KCNMA1: variants seen among roughly 807,000 people sequenced by gnomAD.
KCNMA1 encodes the protein potassium calcium-activated channel subfamily M alpha 1, also known as Calcium-activated potassium channel subunit alpha-1.
In KCNMA1, 29 loss-of-function variants were observed where a neutral mutation model predicts 140.0. That is an observed-to-expected ratio of 0.21 (90% CI 0.15 to 0.28). The LOEUF (loss-of-function observed/expected upper bound fraction) is 0.28. Among genes scored for constraint, KCNMA1 ranks in the 10% least tolerant of loss-of-function variants. KCNMA1 has a pLI of 1.00. For synonymous variants in KCNMA1, 612 were observed against 611.9 expected, an observed-to-expected ratio of 1.00 and a Z score of 0.00; for missense variants, 880 against 1,602.2, an observed-to-expected ratio of 0.55 and a Z score of 7.70.
intron 5 of KCNMA1, among the ~76,000 whole-genome samples, chr10:77,150,338 C>A (rs1564833819): frequency 2.0e-5 from 3 of 152,130 alleles, no homozygotes; most frequent in Non-Finnish European, 4.4e-5. Context: ...ATTTCACTGA[C>A]AACATGAGGG....
chr10:77,588,015 AACC>A, intron 1 of KCNMA1: 1 of 263,952 alleles, frequency 3.8e-6, no homozygotes, highest in Non-Finnish European at 5.9e-6. Context: ...TCATAATCAC[AACC>A]ACATTAGGAG....
At chr10:77,528,558 G>A (rs185240501) in intron 1 of KCNMA1, among the ~76,000 whole-genome samples, 3 of 150,880 alleles carry the variant, frequency 2.0e-5, no homozygotes, top group African/African-American at 7.3e-5. Context: ...GCAGTGAGCT[G>A]AGATTGTGTC....
chr10:77,252,110 C>G (rs1396772660), intron 2 of KCNMA1, among the ~76,000 whole-genome samples: 1 of 152,188 alleles, frequency 6.6e-6, no homozygotes, highest in Non-Finnish European at 1.5e-5. Context: ...AAATTAATCT[C>G]CATGGATGGA....
At chr10:77,018,931 G>A in intron 17 of KCNMA1, 82 bp downstream of exon 17, 1 of 795,670 alleles carries the variant, frequency 1.3e-6, no homozygotes, top group South Asian at 1.4e-5. Flanking sequence ...GAGTTTTGGG[G>A]TTATGGAAGC....
chr10:77,472,773 G>A (rs43204), intron 1 of KCNMA1, among the ~76,000 whole-genome samples: 26,963 of 152,138 alleles, frequency 0.18, 2,774 homozygotes, highest in African/African-American at 0.27. Context: ...TGTGGAGAGC[G>A]CTGGAGCTTG....
chr10:77,635,303 T>G (rs1021298753), intron 1 of KCNMA1: 2 of 152,218 alleles, frequency 1.3e-5, no homozygotes, highest in African/African-American at 4.8e-5. Context: ...TTGGAAGCTG[T>G]GTTTAGGACC....
At position 77,565,811 on chromosome 10, in the gene KCNMA1, C is replaced by T. The variant is rs186381688; in HGVS notation, c.378+71454G>A. Among the ~76,000 whole-genome samples the T allele has an allele frequency of 2.0e-5, 3 of 152,286 alleles. No individual in the cohort carries two copies. The East Asian group carries it at 5.8e-4, about 29-fold the overall frequency. Reference sequence around the variant, plus strand: ...CCTCTAACATCTGGAGACGCAAACCCTAGCACTGCAGCTATCCCACAGGAG... The same window carrying T: ...CCTCTAACATCTGGAGACGCAAACCTTAGCACTGCAGCTATCCCACAGGAG... On this transcript the variant is annotated intron_variant, in intron 1 of 27. Transcript: ENST00000286628.
chr10:77,233,807 C>T (rs113263468), intron 3 of KCNMA1, among the ~76,000 whole-genome samples: 1,572 of 152,278 alleles, frequency 0.01, 26 homozygotes, highest in African/African-American at 0.036. Context: ...CCACTAGAGG[C>T]GAGGTGCCCC....
intron 1 of KCNMA1, among the ~76,000 whole-genome samples, chr10:77,506,620 T>TGTGTG (rs1567212074): frequency 3.6e-4 from 38 of 104,150 alleles, no homozygotes; most frequent in Admixed American, 5.7e-4. Flanking sequence ...TGTGTGTGTG[T>TGTGTG]TAGAGAGGGA....
chr10:77,023,568 G>A (rs1203985602), intron 16 of KCNMA1, among the ~76,000 whole-genome samples: 1 of 152,172 alleles, frequency 6.6e-6, no homozygotes, highest in Non-Finnish European at 1.5e-5. Context: ...GATGAATCAT[G>A]CCATTGAGAA....
At chr10:77,573,662 A>G (rs58657097) in intron 1 of KCNMA1, among the ~76,000 whole-genome samples, 2,013 of 64,798 alleles carry the variant, frequency 0.031, 25 homozygotes, top group African/African-American at 0.057. Context: ...AGAATAGAAT[A>G]GAATAGAATA....
At chr10:77,205,824 TAA>T (rs2043916356) in intron 3 of KCNMA1, among the ~76,000 whole-genome samples, 1 of 152,216 alleles carries the variant, frequency 6.6e-6, no homozygotes, top group Non-Finnish European at 1.5e-5. Context: ...GACGACTTTT[TAA>T]AAGTCTATGA....
At chr10:77,123,876 C>T (rs145842516) in intron 5 of KCNMA1, among the ~76,000 whole-genome samples, 36 of 152,228 alleles carry the variant, frequency 2.4e-4, no homozygotes, top group Non-Finnish European at 4.1e-4. Context: ...AGCAAGACAT[C>T]GGTCTGCCCA....
chr10:77,214,960 G>A (rs934689935), intron 3 of KCNMA1, among the ~76,000 whole-genome samples: 4 of 152,094 alleles, frequency 2.6e-5, no homozygotes, highest in Non-Finnish European at 5.9e-5. Flanking sequence ...AGTCATCTTT[G>A]TAATTTCCAA....
At chr10:76,940,961 G>A (rs554553027) in intron 23 of KCNMA1, among the ~76,000 whole-genome samples, 55 of 119,904 alleles carry the variant, frequency 4.6e-4, no homozygotes, top group Admixed American at 3.2e-3. Context: ...ACTCTACCTC[G>A]AAAGAAAGAA....
At chr10:77,603,551 T>C (rs1045135863) in intron 1 of KCNMA1, among the ~76,000 whole-genome samples, 1 of 152,156 alleles carries the variant, frequency 6.6e-6, no homozygotes. Context: ...CAGTCCATGA[T>C]TGGACACACC....
chr10:77,353,674 A>T (rs1161977615), intron 2 of KCNMA1, among the ~76,000 whole-genome samples: 1 of 152,172 alleles, frequency 6.6e-6, no homozygotes, highest in African/African-American at 2.4e-5. Flanking sequence ...TATAATGTGG[A>T]CATTACTTGT....
intron 1 of KCNMA1, among the ~76,000 whole-genome samples, chr10:77,504,642 T>G (rs183396316): frequency 1.3e-5 from 2 of 152,310 alleles, no homozygotes; most frequent in Non-Finnish European, 2.9e-5. Flanking sequence ...CATGCTGGAC[T>G]GCAGTAGTGC....
chr10:77,007,651 GTGTA>G (rs1484442906), intron 18 of KCNMA1, among the ~76,000 whole-genome samples: 1 of 8,396 alleles, frequency 1.2e-4, no homozygotes, highest in East Asian at 8.3e-4. Flanking sequence ...TATTGTGTGT[GTGTA>G]TATATATATA....
Sources: allele counts gnomAD v4.1 joint callset (sites outside exome capture counted in the v4.1 genomes callset), GRCh38; gene constraint gnomAD v4.1.1; transcripts MANE v1.5; gene names NCBI Gene and HGNC (gene_info 2026-07-23, HGNC 2026-07-21).